Variants in SMG1 observed in about 807,000 individuals in gnomAD.
The protein encoded by SMG1 is serine/threonine-protein kinase SMG1.
In SMG1, 22 loss-of-function variants were observed where a neutral mutation model predicts 419.9. That is an observed-to-expected ratio of 0.05 (90% CI 0.04 to 0.07). The LOEUF is 0.07. Among genes scored for constraint, SMG1 ranks in the 10% least tolerant of loss-of-function variants. SMG1 has a pLI of 1.00. For missense variants in SMG1, 3,185 were observed against 4,342.0 expected (o/e 0.73, Z 7.49); for synonymous variants, 1,538 against 1,553.5 (o/e 0.99, Z 0.23).
intron 39 of SMG1, among the ~76,000 whole-genome samples, chr16:18,843,170 A>C (rs1419094444): frequency 6.6e-6 from 1 of 152,232 alleles, no homozygotes; most frequent in African/African-American, 2.4e-5. Context: ...GGTCGACAAA[A>C]CTTTAAAAAG....
At chr16:18,838,780 C>T in intron 42 of SMG1, 91 bp from the exon 43 acceptor site, 1 of 794,128 alleles carries the variant, frequency 1.3e-6, no homozygotes, top group Non-Finnish European at 2.1e-6. Flanking sequence ...TACAAAGCAC[C>T]ATTAACCTAC....
chr16:18,836,517 G>C lies in SMG1; in HGVS notation c.7620C>G (p.Thr2540=). The C allele has an allele frequency of 1.2e-6, 2 of 1,613,508 alleles. No homozygotes were observed. Among genetic ancestry groups the C allele is most frequent in the Non-Finnish European group, 1.7e-6 (2 of 1,179,786 alleles). Residue 2540 remains threonine (T), a synonymous_variant, in exon 47 of 63, where the codon ACC becomes ACG. Coordinates refer to ENST00000446231, the MANE Select transcript of SMG1 (RefSeq NM_015092.5). ...CAGCTCTTTGCTGAGTCTGTAGTTG[G>C]GTGTGCTCAGAATACCTAATCAGGG... is the stretch of plus-strand genomic sequence containing the variant. ...HTLQHRYSEH[T]QLQTQQRAVQ... is the part of the protein sequence containing the mutation.
intron 7 of SMG1, 67 bp from the exon 8 acceptor site, chr16:18,885,229 A>G: frequency 2.9e-6 from 2 of 686,630 alleles, no homozygotes; most frequent in South Asian, 3.6e-5. Context: ...CCTGTGGACC[A>G]TTTCACAGCA....
intron 22 of SMG1, among the ~76,000 whole-genome samples, chr16:18,867,403 G>A (rs1222974041): frequency 1.3e-5 from 2 of 151,712 alleles, no homozygotes; most frequent in Non-Finnish European, 2.9e-5. Context: ...GTATGGTGGC[G>A]GGTGCCTGTA....
rs1039020820 is a variant in SMG1, at chr16:18,808,733, G to A, written c.*836C>T. On this transcript the variant is annotated 3_prime_UTR_variant, in exon 63 of 63. Transcript: ENST00000446231. ...AATCACAGAAATGACTTAAATAACCGGAATTACATTTTGTGTGTGATCATC... is the reference window on the plus strand; with the variant it reads ...AATCACAGAAATGACTTAAATAACCAGAATTACATTTTGTGTGTGATCATC... The A allele has an allele frequency of 1.4e-4, 21 of 152,520 alleles. No homozygotes were observed. The highest frequency in any genetic ancestry group is 3.9e-4 in the African/African-American group (16 of 41,402). 9.4% of individuals were successfully genotyped at this position (152,520 alleles called of 1,614,324 possible). A position where few individuals can be genotyped will look rare whatever the true frequency, so the allele number is the denominator to read the frequency against.
intron 13 of SMG1, 59 bp downstream of exon 13, chr16:18,876,064 TA>T (rs1463681855): frequency 6.4e-7 from 1 of 1,554,830 alleles, no homozygotes; most frequent in Non-Finnish European, 8.8e-7. Flanking sequence ...AATACATAAA[TA>T]TGTAATGAGA....
At chr16:18,830,560 G>A (rs1223616374) in intron 51 of SMG1, among the ~76,000 whole-genome samples, 191 bp from the exon 52 acceptor site, 1 of 152,054 alleles carries the variant, frequency 6.6e-6, no homozygotes, top group Admixed American at 6.5e-5. Context: ...GGCCGAGGTG[G>A]GCAGATCACC....
chr16:18,903,638 T>G (rs897790679), intron 1 of SMG1, among the ~76,000 whole-genome samples: 10 of 152,236 alleles, frequency 6.6e-5, no homozygotes, highest in African/African-American at 2.4e-4. Flanking sequence ...TGTCATTTCA[T>G]GTTCAACACA....
At chr16:18,834,483 C>G in intron 49 of SMG1, 45 bp from the exon 50 acceptor site, 2 of 1,559,890 alleles carry the variant, frequency 1.3e-6, no homozygotes. Flanking sequence ...AATGTATAAA[C>G]AAAACAAGGT....
chr16:18,813,714 GT>G (rs1381569494), intron 60 of SMG1, among the ~76,000 whole-genome samples: 1 of 152,138 alleles, frequency 6.6e-6, no homozygotes, highest in Non-Finnish European at 1.5e-5. Flanking sequence ...TGCTTTTGGT[GT>G]TTTAGACATG....
At chr16:18,917,254 G>A (rs968210890) in intron 1 of SMG1, among the ~76,000 whole-genome samples, 1 of 152,040 alleles carries the variant, frequency 6.6e-6, no homozygotes, top group Non-Finnish European at 1.5e-5. Flanking sequence ...CCAGGTTCAA[G>A]TGATTCTCCT....
intron 36 of SMG1, among the ~76,000 whole-genome samples, chr16:18,848,702 C>A (rs2034409848): frequency 6.6e-6 from 1 of 152,052 alleles, no homozygotes; most frequent in Non-Finnish European, 1.5e-5. Context: ...GTCAAGGCTA[C>A]AGATAATGTG....
chr16:18,878,404 T>A (rs1338657129), intron 11 of SMG1: 1 of 151,590 alleles, frequency 6.6e-6, no homozygotes, highest in African/African-American at 2.4e-5. Flanking sequence ...GACCAAGAAT[T>A]TGAGGCCAGC....
rs774376771 is a variant in SMG1 at position 18,863,658 on chromosome 16, G to A, written c.3687C>T (p.Asn1229=). 6.5e-5 allele frequency: 103 copies of A among 1,593,762 alleles called. No individual in the cohort carries two copies. Among genetic ancestry groups the A allele is most frequent in the Non-Finnish European group, 8.2e-5 (97 of 1,177,502 alleles). Residue 1229 remains asparagine (N), a synonymous_variant, in exon 25 of 63, where the codon AAC becomes AAT. Transcript: ENST00000446231. Reference sequence around the variant, plus strand: ...GAAAAAGTAAGCCTTACTTTATATAGTTGAAGTCAGCTTTCAGGTTGAGGG... The same window carrying A: ...GAAAAAGTAAGCCTTACTTTATATAATTGAAGTCAGCTTTCAGGTTGAGGG... ...STSLNLKADF[N]YIKSLSSFES... is the part of the protein sequence containing the mutation.
intron 29 of SMG1, among the ~76,000 whole-genome samples, chr16:18,855,710 T>C (rs1194897220): frequency 6.6e-6 from 1 of 152,206 alleles, no homozygotes; most frequent in Non-Finnish European, 1.5e-5. Context: ...CTTTCCCTAC[T>C]GCCACCCTAG....
intron 1 of SMG1, among the ~76,000 whole-genome samples, chr16:18,909,976 AG>A (rs1468265731): frequency 6.6e-6 from 1 of 151,828 alleles, no homozygotes; most frequent in East Asian, 1.9e-4. Flanking sequence ...ATTTAAAAGA[AG>A]TAACTTTTAT....
intron 1 of SMG1, chr16:18,900,159 T>C (rs994005958): frequency 1.7e-6 from 1 of 590,644 alleles, no homozygotes; most frequent in Non-Finnish European, 3.0e-6. Context: ...TATGGTCCCA[T>C]TAGGGTTCAT....
chr16:18,885,524 C>A lies in SMG1; in HGVS notation c.948+17G>T. On this transcript the variant is annotated intron_variant, in intron 7 of 62. Coordinates refer to ENST00000446231, the MANE Select transcript of SMG1 (RefSeq NM_015092.5). Reference sequence around the variant, plus strand: ...CCCCCTCACCCCATGATCTGAAAAGCGGAATGAGGAACTCACCCTAAAATT... The same window carrying A: ...CCCCCTCACCCCATGATCTGAAAAGAGGAATGAGGAACTCACCCTAAAATT... 1 of 1,595,698 alleles carries A rather than the reference C, an allele frequency of 6.3e-7. No individual in the cohort carries two copies. Among genetic ancestry groups the A allele is most frequent in the Non-Finnish European group, 8.5e-7 (1 of 1,179,360 alleles).
At chr16:18,858,551 G>C (rs1392060744) in intron 28 of SMG1, 1 of 255,272 alleles carries the variant, frequency 3.9e-6, no homozygotes, top group Non-Finnish European at 7.4e-6. Flanking sequence ...ACTTAATAAA[G>C]CACATTACAA....
Sources: allele counts gnomAD v4.1 joint callset (sites outside exome capture counted in the v4.1 genomes callset), GRCh38; gene constraint gnomAD v4.1.1; transcripts MANE v1.5; gene names NCBI Gene and HGNC (gene_info 2026-07-23, HGNC 2026-07-21).